MIA2: variants seen among roughly 807,000 people sequenced by gnomAD.
MIA2 encodes MIA SH3 domain ER export factor 2.
A neutral mutation model predicts 167.8 loss-of-function variants in MIA2; 127 were observed. The ratio of observed to expected loss-of-function variants is 0.76; its 90% CI spans 0.66 to 0.88. The LOEUF (loss-of-function observed/expected upper bound fraction) is 0.88. Among genes scored for constraint, MIA2 ranks in the 40% least tolerant of loss-of-function variants. MIA2 has a pLI of 0.00. For missense variants in MIA2, 1,690 were observed against 1,624.7 expected, an observed-to-expected ratio of 1.04 and a Z score of -0.69; for synonymous variants, 552 against 541.9, an observed-to-expected ratio of 1.02 and a Z score of -0.26.
chr14:39,360,148 A>T (rs1047972607), intron 23 of MIA2, among the ~76,000 whole-genome samples: 1 of 152,112 alleles, frequency 6.6e-6, no homozygotes, highest in African/African-American at 2.4e-5. Context: ...CTAAAAATAC[A>T]AAAATTATCT....
intron 2 of MIA2, chr14:39,237,289 G>A (rs901269495): frequency 2.8e-5 from 14 of 493,654 alleles, no homozygotes; most frequent in African/African-American, 3.9e-5. Context: ...CACCACGCCC[G>A]GCTAATTTTT....
intron 4 of MIA2, among the ~76,000 whole-genome samples, chr14:39,250,885 C>T (rs994288004): frequency 2.0e-5 from 3 of 151,620 alleles, no homozygotes; most frequent in East Asian, 1.9e-4. Flanking sequence ...GAAAAAAAGA[C>T]GTCATTTATT....
At chr14:39,338,144 T>G (rs1355571574) in intron 25 of MIA2, among the ~76,000 whole-genome samples, 1 of 152,010 alleles carries the variant, frequency 6.6e-6, no homozygotes, top group Non-Finnish European at 1.5e-5. Flanking sequence ...GAGGGAGGTG[T>G]TTTTGGTGGC....
At chr14:39,359,313 C>G (rs1189450508) in intron 23 of MIA2, among the ~76,000 whole-genome samples, 2 of 152,344 alleles carry the variant, frequency 1.3e-5, no homozygotes, top group African/African-American at 4.8e-5. Flanking sequence ...GCTGTGCTAG[C>G]AATGAGTGAG....
intron 6 of MIA2, among the ~76,000 whole-genome samples, chr14:39,273,583 A>G (rs1404664376): frequency 2.7e-5 from 4 of 150,192 alleles, no homozygotes; most frequent in South Asian, 2.1e-4. Context: ...TTCTGTGTCT[A>G]TTGAGATGAT....
chr14:39,312,421 G>GT (rs1343636350), intron 18 of MIA2, among the ~76,000 whole-genome samples: 1 of 152,220 alleles, frequency 6.6e-6, no homozygotes, highest in Non-Finnish European at 1.5e-5. Context: ...AGGTAATGTA[G>GT]TGTGTAGAAT....
Position 39,295,027 on chromosome 14 carries a change from C to T in MIA2, c.2494C>T (p.Gln832Ter), listed in dbSNP as rs202124210. The change falls in exon 13 of 29, where the codon CAG (glutamine) becomes TAG (stop). Residue 832 changes from glutamine (Q) to a stop codon, truncating the protein, a stop_gained and splice_region_variant. Transcript: ENST00000640607. LOFTEE classifies it high-confidence loss of function. ...TTCTCAACTTCAGGAAAGCCAGAAA[C>T]AGGTTTGTGCTCCGTAGGGACTCTT... ...ENSQLQESQK[Q>*]LLQEAEVWKE... The T allele has an allele frequency of 6.3e-7, 1 of 1,597,594 alleles. No homozygotes were observed. The highest frequency in any genetic ancestry group is 1.1e-5 in the South Asian group (1 of 90,708).
At chr14:39,352,696 A>G (rs1477401031), downstream of MIA2, among the ~76,000 whole-genome samples, 3 of 152,134 alleles carry the variant, frequency 2.0e-5, no homozygotes, top group African/African-American at 7.2e-5. Context: ...TTTACTTATT[A>G]ATGCTGTATA....
At chr14:39,238,236 G>T (rs1594606792) in intron 2 of MIA2, among the ~76,000 whole-genome samples, 1 of 150,978 alleles carries the variant, frequency 6.6e-6, no homozygotes, top group East Asian at 2.0e-4. Flanking sequence ...GCAGTGGCAC[G>T]ATTTCAGCTC....
intron 23 of MIA2, among the ~76,000 whole-genome samples, chr14:39,356,547 T>C (rs2074531603): frequency 6.6e-6 from 1 of 152,222 alleles, no homozygotes; most frequent in Non-Finnish European, 1.5e-5. Flanking sequence ...TTTGTGTCTC[T>C]ATCTCCTTCA....
At chr14:39,243,080 T>C (rs560136709) in intron 3 of MIA2, among the ~76,000 whole-genome samples, 1 of 144,988 alleles carries the variant, frequency 6.9e-6, no homozygotes, top group African/African-American at 2.6e-5. Context: ...CCAAGATTGC[T>C]CCACTGCACT....
At chr14:39,234,321 A>G in intron 1 of MIA2, 92 bp downstream of exon 1, 1 of 668,252 alleles carries the variant, frequency 1.5e-6, no homozygotes, top group East Asian at 3.0e-5. Flanking sequence ...AAAAATGAGT[A>G]TTGATACCAT....
intron 6 of MIA2, chr14:39,266,007 C>T: frequency 1.0e-6 from 1 of 985,408 alleles, no homozygotes; most frequent in South Asian, 4.7e-5. Context: ...AAAGCTAGGC[C>T]GCATTTTGGT....
chr14:39,290,538 TGTATG>T (rs1383016364), intron 9 of MIA2, among the ~76,000 whole-genome samples: 3 of 152,214 alleles, frequency 2.0e-5, no homozygotes, highest in Non-Finnish European at 4.4e-5. Context: ...CTTTATTTGT[TGTATG>T]GTATGGATTA....
intron 13 of MIA2, among the ~76,000 whole-genome samples, chr14:39,296,582 C>T (rs949393638): frequency 4.1e-5 from 6 of 146,250 alleles, no homozygotes; most frequent in East Asian, 2.1e-4. Context: ...CGCCTGGCCA[C>T]GGGCGGGGTT....
At chr14:39,378,507 A>G (rs1376581541) in intron 23 of MIA2, among the ~76,000 whole-genome samples, 1 of 152,246 alleles carries the variant, frequency 6.6e-6, no homozygotes, top group Non-Finnish European at 1.5e-5. Flanking sequence ...AAAAGGATCA[A>G]AGTAAAACAA....
chr14:39,348,990 A>C lies in MIA2; in HGVS notation c.4072+13A>C, dbSNP rs753598306. 6.2e-7 allele frequency: 1 copy of C among 1,607,520 alleles called. No homozygotes were observed. Among genetic ancestry groups the C allele is most frequent in the Admixed American group, 1.7e-5 (1 of 59,918 alleles). ...GCTCCATTTGCAAGTATGCTTTTTTAAACTTTTTTTTTAAAGCTCAATATG... is the reference window on the plus strand; with the variant it reads ...GCTCCATTTGCAAGTATGCTTTTTTCAACTTTTTTTTTAAAGCTCAATATG... On this transcript the variant is annotated intron_variant, in intron 28 of 28. Coordinates refer to ENST00000640607, the MANE Select transcript of MIA2 (RefSeq NM_001329214.4).
At chr14:39,265,144 T>C (rs2055395967) in intron 6 of MIA2, 1 of 362,242 alleles carries the variant, frequency 2.8e-6, no homozygotes, top group Non-Finnish European at 4.8e-6. Context: ...TATAGGTGCA[T>C]ATGTATGTGT....
At chr14:39,366,356 G>T (rs75825679) in intron 23 of MIA2, among the ~76,000 whole-genome samples, 3 of 152,190 alleles carry the variant, frequency 2.0e-5, no homozygotes, top group Admixed American at 1.3e-4. Context: ...TGGGCCAGGC[G>T]GGTGGGTTGT....
Sources: gnomAD v4.1 joint callset for allele counts (sites outside exome capture counted in the v4.1 genomes callset) on GRCh38, gnomAD v4.1.1 for gene constraint, MANE v1.5 for transcripts, NCBI Gene and HGNC (gene_info 2026-07-23, HGNC 2026-07-21) for gene names.